Variants in FOXN3 observed in about 807,000 individuals in gnomAD.
The protein encoded by FOXN3 is forkhead box protein N3.
A neutral mutation model predicts 38.4 loss-of-function variants in FOXN3; 7 were observed. The observed-to-expected ratio is 0.18, with a 90% confidence interval of 0.10 to 0.34. The LOEUF is 0.34. Among genes scored for constraint, FOXN3 ranks in the 10% least tolerant of loss-of-function variants. The pLI is 1.00. For missense variants in FOXN3, 456 were observed against 613.4 expected (o/e 0.74, Z 2.71); for synonymous variants, 230 against 242.2 (o/e 0.95, Z 0.47).
intron 3 of FOXN3, among the ~76,000 whole-genome samples, chr14:89,286,100 G>A (rs1013937892): frequency 2.6e-5 from 4 of 151,512 alleles, no homozygotes; most frequent in African/African-American, 9.7e-5. Context: ...CAAACACCTG[G>A]GATCAAGTGA....
At chr14:89,251,597 A>G (rs1885458342) in intron 4 of FOXN3, among the ~76,000 whole-genome samples, 1 of 152,252 alleles carries the variant, frequency 6.6e-6, no homozygotes, top group Admixed American at 6.5e-5. Flanking sequence ...TGGCATAGGA[A>G]AAAGCCTCCA....
rs138775738 is a variant in FOXN3, at chr14:89,257,450, ATCT to A, written c.745+23497_745+23499del. Among the ~76,000 whole-genome samples the A allele has an allele frequency of 6.4e-4, 98 of 152,322 alleles. 2 individuals are homozygous for A. The East Asian group carries it at 0.016, about 25-fold the overall frequency. On this transcript the variant is annotated intron_variant, in intron 4 of 5. Transcript: ENST00000557258. ...AGTAGTCGAATTACCCTCTAGAGAA[ATCT>A]TCTAAGAACAGAACTAATTACCACC...
At chr14:89,359,349 A>G (rs1889362704) in intron 2 of FOXN3, among the ~76,000 whole-genome samples, 1 of 152,188 alleles carries the variant, frequency 6.6e-6, no homozygotes, top group Admixed American at 6.6e-5. Context: ...ATGGCAACAA[A>G]ATATTAAATA....
chr14:89,307,128 C>G (rs985919676), intron 3 of FOXN3, among the ~76,000 whole-genome samples: 18 of 152,214 alleles, frequency 1.2e-4, no homozygotes, highest in Non-Finnish European at 2.6e-4. Context: ...CTAGGTTGCT[C>G]TGAGTGTGTG....
chr14:89,399,920 A>G (rs1891203144), intron 2 of FOXN3: 1 of 152,218 alleles, frequency 6.6e-6, no homozygotes, highest in Non-Finnish European at 1.5e-5. Context: ...CTATGGAGAC[A>G]CATATACAAG....
chr14:89,356,837 G>T (rs1279290250), intron 2 of FOXN3, among the ~76,000 whole-genome samples: 1 of 152,180 alleles, frequency 6.6e-6, no homozygotes, highest in African/African-American at 2.4e-5. Context: ...AGTAAGTAAA[G>T]AAATAAATAA....
chr14:89,297,683 A>T (rs1245572854), intron 3 of FOXN3, among the ~76,000 whole-genome samples: 3 of 152,228 alleles, frequency 2.0e-5, no homozygotes, highest in Admixed American at 1.3e-4. Flanking sequence ...ATGCTCATAG[A>T]AACATTATTC....
In FOXN3 at chr14:89,562,857, C is replaced by T. The variant is rs147944119; in HGVS notation, c.-15+56171G>A. Among the ~76,000 whole-genome samples, 30 of 152,316 alleles carry T rather than the reference C, an allele frequency of 2.0e-4. No individual in the cohort carries two copies. The East Asian group carries it at 5.6e-3, about 28-fold the overall frequency. ...TTACCACAGCAATTCACCTATCAAA[C>T]TAATTTAGGTTTAGAGCCAAAATCA... On this transcript the variant is annotated intron_variant, in intron 1 of 6. Transcript: ENST00000345097.
At chr14:89,565,546 A>G (rs1171084468) in intron 1 of FOXN3, among the ~76,000 whole-genome samples, 1 of 152,138 alleles carries the variant, frequency 6.6e-6, no homozygotes, top group African/African-American at 2.4e-5. Context: ...CGCCGTCCTC[A>G]TCTTTGACAT....
chr14:89,359,631 C>T (rs1398300913), intron 2 of FOXN3, among the ~76,000 whole-genome samples: 7 of 152,188 alleles, frequency 4.6e-5, no homozygotes, highest in South Asian at 4.1e-4. Context: ...TTTGAGAAAG[C>T]TACTTGCTTT....
intron 2 of FOXN3, among the ~76,000 whole-genome samples, chr14:89,360,007 T>A (rs935236063): frequency 1.3e-5 from 2 of 152,206 alleles, no homozygotes; most frequent in African/African-American, 4.8e-5. Context: ...GTACTCCTCA[T>A]CAAGCTGTCA....
At chr14:89,609,605 T>C (rs1896350623) in intron 1 of FOXN3, among the ~76,000 whole-genome samples, 1 of 152,122 alleles carries the variant, frequency 6.6e-6, no homozygotes, top group Non-Finnish European at 1.5e-5. Context: ...TCCATAGTAC[T>C]TATGGAAATA....
At chr14:89,492,728 A>G (rs1303967302) in intron 1 of FOXN3, among the ~76,000 whole-genome samples, 1 of 152,112 alleles carries the variant, frequency 6.6e-6, no homozygotes, top group Non-Finnish European at 1.5e-5. Context: ...ATAAAATAAA[A>G]CCAAAAAACA....
At chr14:89,525,449 A>G (rs1281327174) in intron 1 of FOXN3, among the ~76,000 whole-genome samples, 4 of 152,178 alleles carry the variant, frequency 2.6e-5, no homozygotes, top group Non-Finnish European at 5.9e-5. Context: ...AAAGGACAGG[A>G]ACCCTCAGTT....
Position 89,511,243 on chromosome 14 carries a change from TTTCTTTTC to T in FOXN3, c.-14-98761_-14-98754del, listed in dbSNP as rs1566681235. Among the ~76,000 whole-genome samples the T allele has an allele frequency of 1.2e-4, 2 of 17,118 alleles. 1 individual carries two copies. The highest frequency in any genetic ancestry group is 2.1e-4 in the African/African-American group (2 of 9,386). The allele number at this position is 17,118 out of a possible 152,430, so 11.2% of individuals were successfully genotyped here. On this transcript the variant is annotated intron_variant, in intron 1 of 6. Transcript: ENST00000345097. The stretch of plus-strand genomic sequence containing the variant: ...TCTTTCTTTCTTTTCTTTCCTTTTC[TTTCTTTTC>T]TTTCTTTCTTTCTTTCTTTCTTTCT...
At position 89,345,768 on chromosome 14, in the gene FOXN3, G is replaced by A. The variant is rs185103961; in HGVS notation, c.680+4904C>T. 2.3e-3 allele frequency among the ~76,000 whole-genome samples: 346 copies of A among 152,296 alleles called. 4 individuals carry two copies. Among genetic ancestry groups the A allele is most frequent in the African/African-American group, 7.9e-3 (330 of 41,556 alleles). On this transcript the variant is annotated intron_variant, in intron 3 of 5. Coordinates refer to ENST00000557258, the MANE Select transcript of FOXN3 (RefSeq NM_005197.4). The stretch of plus-strand genomic sequence containing the variant: ...CCTGAGTTACTTCACTTAGAATAAC[G>A]GCCTCCAGGCCGGGCACAGTGGCTC...
chr14:89,222,885 G>C (rs1457369504), intron 4 of FOXN3, among the ~76,000 whole-genome samples: 2 of 152,096 alleles, frequency 1.3e-5, no homozygotes, highest in Non-Finnish European at 2.9e-5. Context: ...CTAAACTATG[G>C]AATCTGCCTT....
intron 2 of FOXN3, among the ~76,000 whole-genome samples, chr14:89,408,162 A>G (rs1037633127): frequency 2.0e-5 from 3 of 152,190 alleles, no homozygotes; most frequent in Admixed American, 2.0e-4. Flanking sequence ...GGATTCTCAA[A>G]CCTGGCTCCA....
chr14:89,568,688 C>A (rs145377184), intron 1 of FOXN3, among the ~76,000 whole-genome samples: 91 of 152,322 alleles, frequency 6.0e-4, no homozygotes, highest in Non-Finnish European at 1.2e-3. Flanking sequence ...CTGGCAAGGG[C>A]CCCCTCTGGT....
Sources: gnomAD v4.1 joint callset for allele counts (sites outside exome capture counted in the v4.1 genomes callset) on GRCh38, gnomAD v4.1.1 for gene constraint, MANE v1.5 for transcripts, NCBI Gene and HGNC (gene_info 2026-07-23, HGNC 2026-07-21) for gene names.